Variants in MYO3B observed in about 807,000 individuals in gnomAD.
The protein encoded by MYO3B is myosin-IIIb.
In MYO3B, 156 loss-of-function variants were observed where a neutral mutation model predicts 174.6. That is an observed-to-expected ratio of 0.89 (90% CI 0.78 to 1.02). The LOEUF is 1.02. MYO3B is among the 50% of genes least tolerant of loss of function. The pLI is 0.00. For missense variants in MYO3B, 1,632 were observed against 1,639.4 expected, an observed-to-expected ratio of 1.00 and a Z score of 0.08; for synonymous variants, 563 against 569.1, an observed-to-expected ratio of 0.99 and a Z score of 0.15.
At chr2:170,651,070 C>G (rs1698976630) in intron 32 of MYO3B, among the ~76,000 whole-genome samples, 2 of 152,092 alleles carry the variant, frequency 1.3e-5, no homozygotes, top group Non-Finnish European at 2.9e-5. Context: ...TGCAATCATC[C>G]TTTCTCCTTC....
At chr2:170,443,195 C>A (rs766372073) in intron 22 of MYO3B, among the ~76,000 whole-genome samples, 5 of 152,138 alleles carry the variant, frequency 3.3e-5, no homozygotes, top group Admixed American at 3.3e-4. Flanking sequence ...TTCTAACTGG[C>A]GTGAGATGGT....
At chr2:170,557,493 T>C (rs1208892762) in intron 32 of MYO3B, among the ~76,000 whole-genome samples, 4 of 152,070 alleles carry the variant, frequency 2.6e-5, no homozygotes, top group African/African-American at 9.7e-5. Context: ...AAGAGATCAG[T>C]TTGTTGGTTT....
At chr2:170,261,041 G>A (rs571968392) in intron 7 of MYO3B, among the ~76,000 whole-genome samples, 6 of 151,942 alleles carry the variant, frequency 3.9e-5, no homozygotes, top group African/African-American at 1.4e-4. Context: ...TTTTTGTTTT[G>A]AGACGGAGTT....
chr2:170,530,324 G>A (rs1689277643), intron 30 of MYO3B, among the ~76,000 whole-genome samples: 1 of 152,210 alleles, frequency 6.6e-6, no homozygotes, highest in Non-Finnish European at 1.5e-5. Flanking sequence ...ACAGTCTGGA[G>A]ACGCAGGTGG....
intron 7 of MYO3B, among the ~76,000 whole-genome samples, chr2:170,257,184 C>T (rs1214681060): frequency 1.3e-5 from 2 of 151,934 alleles, no homozygotes; most frequent in South Asian, 2.1e-4. Context: ...GTTAGATCAT[C>T]AAGGCAAAAA....
chr2:170,401,467 A>G lies in MYO3B; in HGVS notation c.1919-14A>G. On this transcript the variant is annotated splice_polypyrimidine_tract_variant and intron_variant, in intron 17 of 34. Transcript: ENST00000408978. ...TCTGGCTACATTCTGTGTTATCCTT[A>G]CTCTTTGTTTCAGCTGCCTCTGTTC... 6.2e-7 allele frequency: 1 copy of G among 1,612,096 alleles called. No homozygotes were observed. Among genetic ancestry groups the G allele is most frequent in the Non-Finnish European group, 8.5e-7 (1 of 1,178,418 alleles).
At chr2:170,374,870 G>C (rs1338214584) in intron 9 of MYO3B, among the ~76,000 whole-genome samples, 4 of 151,846 alleles carry the variant, frequency 2.6e-5, no homozygotes, top group Non-Finnish European at 4.4e-5. Flanking sequence ...AGATTTGATA[G>C]ATACCATTAC....
intron 22 of MYO3B, among the ~76,000 whole-genome samples, chr2:170,435,992 C>T (rs903602925): frequency 2.6e-5 from 4 of 152,158 alleles, no homozygotes; most frequent in Non-Finnish European, 5.9e-5. Context: ...GGAAAATTGC[C>T]GTCTTTTAAA....
intron 32 of MYO3B, among the ~76,000 whole-genome samples, chr2:170,592,605 T>C (rs1693886120): frequency 6.6e-6 from 1 of 152,214 alleles, no homozygotes. Context: ...TACCAGGCCC[T>C]GTCCCTGGGT....
intron 6 of MYO3B, among the ~76,000 whole-genome samples, chr2:170,220,063 C>T (rs1451825114): frequency 6.6e-6 from 1 of 151,928 alleles, no homozygotes; most frequent in Non-Finnish European, 1.5e-5. Flanking sequence ...TCGAGACCAT[C>T]CTGGCTAACA....
chr2:170,316,183 T>C (rs1331425630), intron 7 of MYO3B, among the ~76,000 whole-genome samples: 1 of 152,248 alleles, frequency 6.6e-6, no homozygotes, highest in Non-Finnish European at 1.5e-5. Context: ...TAGACACATA[T>C]AAATGTGTGT....
intron 7 of MYO3B, among the ~76,000 whole-genome samples, chr2:170,268,061 T>TAGATAA (rs962467108): frequency 6.6e-6 from 1 of 151,898 alleles, no homozygotes; most frequent in Non-Finnish European, 1.5e-5. Flanking sequence ...TACAAAAAAA[T>TAGATAA]TATCTGAGTG....
At chr2:170,550,454 T>C (rs2106223761) in intron 32 of MYO3B, among the ~76,000 whole-genome samples, 1 of 152,332 alleles carries the variant, frequency 6.6e-6, no homozygotes, top group South Asian at 2.1e-4. Context: ...TGTTATCAAG[T>C]TTCCAGAGGA....
intron 7 of MYO3B, among the ~76,000 whole-genome samples, chr2:170,289,433 A>G (rs78249198): frequency 0.011 from 1,720 of 152,086 alleles, 42 homozygotes; most frequent in East Asian, 0.093. Context: ...TCATGGTTCA[A>G]TTTTGATAGG....
chr2:170,459,112 T>TG (rs1684087951), intron 23 of MYO3B, among the ~76,000 whole-genome samples: 1 of 151,998 alleles, frequency 6.6e-6, no homozygotes, highest in Admixed American at 6.6e-5. Flanking sequence ...AAAGGCAGAG[T>TG]GGACCCAAAG....
chr2:170,533,138 T>C (rs187409118), intron 30 of MYO3B, among the ~76,000 whole-genome samples: 72 of 152,326 alleles, frequency 4.7e-4, no homozygotes, highest in Admixed American at 1.2e-3. Context: ...TTCCACGTCA[T>C]CATTGCCGTG....
chr2:170,502,904 C>G (rs931364063), intron 28 of MYO3B, among the ~76,000 whole-genome samples: 3 of 152,180 alleles, frequency 2.0e-5, no homozygotes, highest in African/African-American at 4.8e-5. Flanking sequence ...TGTCTTCATT[C>G]AAAACGAAAA....
At chr2:170,426,123 T>C (rs148945750) in intron 22 of MYO3B, among the ~76,000 whole-genome samples, 1 of 152,028 alleles carries the variant, frequency 6.6e-6, no homozygotes, top group Admixed American at 6.5e-5. Flanking sequence ...ATTTGTTTAT[T>C]CTCTTTTTCC....
intron 32 of MYO3B, among the ~76,000 whole-genome samples, chr2:170,623,291 T>A (rs1466217461): frequency 6.6e-6 from 1 of 152,260 alleles, no homozygotes; most frequent in Non-Finnish European, 1.5e-5. Flanking sequence ...GGTATCTCAC[T>A]GTGGTTTTGA....
Sources: gnomAD v4.1 joint callset for allele counts (sites outside exome capture counted in the v4.1 genomes callset) on GRCh38, gnomAD v4.1.1 for gene constraint, MANE v1.5 for transcripts, NCBI Gene and HGNC (gene_info 2026-07-23, HGNC 2026-07-21) for gene names.